Variants in PLXDC2 observed in about 807,000 individuals in gnomAD.
PLXDC2 encodes the protein plexin domain-containing protein 2.
Under a neutral mutation model 68.9 loss-of-function variants are expected in PLXDC2, and 40 were observed. That is an observed-to-expected ratio of 0.58 (90% CI 0.45 to 0.76). The LOEUF (loss-of-function observed/expected upper bound fraction) is 0.76. PLXDC2 is among the 30% of genes least tolerant of loss of function. The pLI, the probability that PLXDC2 is intolerant of heterozygous loss-of-function variation, is 0.00. For synonymous variants in PLXDC2, 243 were observed against 234.2 expected, an observed-to-expected ratio of 1.04 and a Z score of -0.34; for missense variants, 644 against 661.9, an observed-to-expected ratio of 0.97 and a Z score of 0.30.
In PLXDC2 at chr10:20,241,811, G is replaced by A. The variant is rs544889844; in HGVS notation, c.1313-3534G>A. Among the ~76,000 whole-genome samples the A allele has an allele frequency of 7.9e-5, 12 of 152,108 alleles. No individual in the cohort carries two copies. In the East Asian group the frequency reaches 1.2e-3, roughly 15 times the overall value. On this transcript the variant is annotated intron_variant, in intron 12 of 13. Transcript: ENST00000377252. ...AAATAAAAAGAAGAAGAAGTGAGGC[G>A]GAAATTTGTGAGGCTAAAACTTGGC...
intron 9 of PLXDC2, among the ~76,000 whole-genome samples, chr10:20,208,302 A>G (rs1589681372): frequency 6.6e-6 from 1 of 152,154 alleles, no homozygotes; most frequent in Admixed American, 6.5e-5. Context: ...AAGGCAAAAG[A>G]CACATCTTAC....
intron 12 of PLXDC2, among the ~76,000 whole-genome samples, chr10:20,229,697 T>G (rs544965806): frequency 2.6e-5 from 4 of 152,250 alleles, no homozygotes; most frequent in African/African-American, 9.6e-5. Flanking sequence ...TAAGACTAAT[T>G]TTTGCTTTAG....
chr10:19,833,202 G>A (rs1836727339), intron 1 of PLXDC2, among the ~76,000 whole-genome samples: 1 of 152,168 alleles, frequency 6.6e-6, no homozygotes, highest in South Asian at 2.1e-4. Flanking sequence ...ATATTTCAAA[G>A]TACCAGACAT....
At chr10:20,045,266 A>C (rs1281339406) in intron 2 of PLXDC2, among the ~76,000 whole-genome samples, 3 of 151,920 alleles carry the variant, frequency 2.0e-5, no homozygotes, top group Non-Finnish European at 4.4e-5. Context: ...CTGCCTGCAG[A>C]GTTAAGCAGC....
chr10:19,953,189 G>A (rs1049745805), intron 1 of PLXDC2, among the ~76,000 whole-genome samples: 19 of 152,284 alleles, frequency 1.2e-4, no homozygotes, highest in Middle Eastern at 3.4e-3. Flanking sequence ...TATAGCCATC[G>A]TTTTCAGACC....
chr10:19,955,571 A>G (rs1450833390), intron 1 of PLXDC2, among the ~76,000 whole-genome samples: 1 of 152,128 alleles, frequency 6.6e-6, no homozygotes, highest in Non-Finnish European at 1.5e-5. Context: ...TTATCTGTAA[A>G]TGTAATACAG....
At chr10:19,862,024 A>C (rs1564612492) in intron 1 of PLXDC2, among the ~76,000 whole-genome samples, 1 of 152,230 alleles carries the variant, frequency 6.6e-6, no homozygotes, top group Non-Finnish European at 1.5e-5. Context: ...GAATGGTGAT[A>C]TTTAAAGATA....
At chr10:20,132,754 C>T (rs1833883961) in intron 4 of PLXDC2, among the ~76,000 whole-genome samples, 1 of 110,862 alleles carries the variant, frequency 9.0e-6, no homozygotes. Flanking sequence ...TTGTAAAGAA[C>T]ATATAGTTTG....
intron 4 of PLXDC2, among the ~76,000 whole-genome samples, chr10:20,076,523 T>C (rs957203869): frequency 2.0e-5 from 3 of 152,206 alleles, no homozygotes; most frequent in African/African-American, 7.2e-5. Context: ...AAATGCTACA[T>C]AGATAGCATA....
At chr10:19,878,260 T>G (rs1485115617) in intron 1 of PLXDC2, among the ~76,000 whole-genome samples, 2 of 152,044 alleles carry the variant, frequency 1.3e-5, no homozygotes, top group Non-Finnish European at 2.9e-5. Context: ...GGCATGAGAT[T>G]ATGCCATTGT....
chr10:19,882,965 T>C (rs921285717), intron 1 of PLXDC2, among the ~76,000 whole-genome samples: 3 of 101,264 alleles, frequency 3.0e-5, no homozygotes, highest in Admixed American at 1.1e-4. Flanking sequence ...TTCTTTCTTT[T>C]TTTTTTTTTG....
chr10:20,122,739 T>A lies in PLXDC2; in HGVS notation c.542-20556T>A, dbSNP rs532378701. Among the ~76,000 whole-genome samples the A allele has an allele frequency of 8.7e-4, 132 of 152,256 alleles. 1 individual carries two copies. The highest frequency in any genetic ancestry group is 2.3e-3 in the African/African-American group (95 of 41,570). On this transcript the variant is annotated intron_variant, in intron 4 of 13. Transcript: ENST00000377252. ...TTTGTCTCACAGTGGAGGCAAGGAA[T>A]TGCAACTTTTTTCTACTATTGTACA... is the stretch of plus-strand genomic sequence containing the variant.
intron 9 of PLXDC2, among the ~76,000 whole-genome samples, chr10:20,208,574 A>T (rs12245248): frequency 6.6e-6 from 1 of 152,172 alleles, no homozygotes; most frequent in African/African-American, 2.4e-5. Flanking sequence ...TATATCTTTA[A>T]TTTCAATGGA....
At chr10:20,032,467 T>C (rs1260104276) in intron 2 of PLXDC2, among the ~76,000 whole-genome samples, 1 of 152,106 alleles carries the variant, frequency 6.6e-6, no homozygotes, top group Non-Finnish European at 1.5e-5. Flanking sequence ...GTTTAATAGG[T>C]TTACTTTTCA....
chr10:20,158,596 G>C (rs1197380058), intron 6 of PLXDC2, among the ~76,000 whole-genome samples: 3 of 151,480 alleles, frequency 2.0e-5, no homozygotes, highest in African/African-American at 7.3e-5. Flanking sequence ...CCTGGAGGTT[G>C]AGACTGCAGT....
chr10:19,861,086 G>C (rs1482965637), intron 1 of PLXDC2, among the ~76,000 whole-genome samples: 2 of 151,076 alleles, frequency 1.3e-5, no homozygotes, highest in East Asian at 3.9e-4. Context: ...TCAGGCTGGA[G>C]TACAGTGGCA....
intron 4 of PLXDC2, among the ~76,000 whole-genome samples, chr10:20,100,071 T>C (rs1232774137): frequency 6.6e-6 from 1 of 152,212 alleles, no homozygotes; most frequent in Non-Finnish European, 1.5e-5. Context: ...TTTAGACCAG[T>C]ACCTTAAAGA....
At chr10:20,254,798 C>T (rs1243644953) in intron 13 of PLXDC2, among the ~76,000 whole-genome samples, 1 of 152,060 alleles carries the variant, frequency 6.6e-6, no homozygotes, top group South Asian at 2.1e-4. Flanking sequence ...CTATGTATGT[C>T]AGTGGTTTTC....
At chr10:19,897,309 G>A (rs1214510138) in intron 1 of PLXDC2, among the ~76,000 whole-genome samples, 1 of 150,550 alleles carries the variant, frequency 6.6e-6, no homozygotes, top group Admixed American at 6.6e-5. Flanking sequence ...GCACGATCTC[G>A]GCTCACCGCA....
Sources: allele counts gnomAD v4.1 joint callset (sites outside exome capture counted in the v4.1 genomes callset), GRCh38; gene constraint gnomAD v4.1.1; transcripts MANE v1.5; gene names NCBI Gene and HGNC (gene_info 2026-07-23, HGNC 2026-07-21).